LRP1B: variants seen among roughly 807,000 people sequenced by gnomAD.
The protein encoded by LRP1B is low-density lipoprotein receptor-related protein 1B.
Under a neutral mutation model 556.6 loss-of-function variants are expected in LRP1B, and 217 were observed. That is an observed-to-expected ratio of 0.39 (90% CI 0.35 to 0.44). LRP1B has a LOEUF of 0.44. Ranked by LOEUF, LRP1B falls within the 20% of genes least tolerant of loss-of-function variation. The pLI, the probability that LRP1B is intolerant of heterozygous loss-of-function variation, is 1.00. For synonymous variants in LRP1B, 2,047 were observed against 1,865.8 expected (o/e 1.10, Z -2.50); for missense variants, 5,053 against 5,620.8 (o/e 0.90, Z 3.23).
At chr2:140,815,396 T>A (rs914872662) in intron 31 of LRP1B, among the ~76,000 whole-genome samples, 8 of 152,112 alleles carry the variant, frequency 5.3e-5, no homozygotes. Flanking sequence ...AGCTTTGAAA[T>A]CCTGGGCTCA....
chr2:141,238,190 G>T (rs1683729220), intron 5 of LRP1B, among the ~76,000 whole-genome samples: 1 of 152,116 alleles, frequency 6.6e-6, no homozygotes, highest in Admixed American at 6.6e-5. Flanking sequence ...TAGTTACTGA[G>T]AAGTGGCTAA....
chr2:141,973,443 C>G (rs1701800673), intron 1 of LRP1B, among the ~76,000 whole-genome samples: 1 of 151,556 alleles, frequency 6.6e-6, no homozygotes, highest in South Asian at 2.1e-4. Flanking sequence ...ATGTGTAAAA[C>G]AAAAGTAAAA....
intron 47 of LRP1B, 66 bp from the exon 48 acceptor site, chr2:140,526,416 G>C: frequency 1.0e-6 from 1 of 1,001,318 alleles, no homozygotes. Context: ...TTTACATTTT[G>C]AATATTTCAA....
intron 1 of LRP1B, among the ~76,000 whole-genome samples, chr2:142,083,371 G>C (rs556534367): frequency 6.6e-6 from 1 of 151,830 alleles, no homozygotes; most frequent in East Asian, 1.9e-4. Flanking sequence ...CTCACTTATC[G>C]GTCCTTCAAT....
chr2:140,349,470 T>C (rs1277674365), intron 77 of LRP1B, among the ~76,000 whole-genome samples: 2 of 151,854 alleles, frequency 1.3e-5, no homozygotes, highest in Non-Finnish European at 2.9e-5. Context: ...AGTTAAACAT[T>C]AGTATATAAA....
intron 3 of LRP1B, among the ~76,000 whole-genome samples, chr2:141,296,898 C>T (rs13400044): frequency 0.24 from 36,102 of 151,946 alleles, 5,092 homozygotes; most frequent in East Asian, 0.51. Flanking sequence ...GTATTGTTCC[C>T]ATCTTAATGA....
intron 41 of LRP1B, among the ~76,000 whole-genome samples, chr2:140,689,170 G>A (rs1384987825): frequency 1.3e-5 from 2 of 152,152 alleles, no homozygotes; most frequent in African/African-American, 2.4e-5. Flanking sequence ...CCCTGTAGAC[G>A]AACTGCAACC....
chr2:140,249,593 G>A (rs933879598), intron 86 of LRP1B, among the ~76,000 whole-genome samples: 1 of 151,714 alleles, frequency 6.6e-6, no homozygotes, highest in Non-Finnish European at 1.5e-5. Flanking sequence ...ACATCTTAAT[G>A]TGCTGATGAT....
intron 18 of LRP1B, among the ~76,000 whole-genome samples, chr2:140,975,357 G>A (rs1696561305): frequency 6.6e-6 from 1 of 152,158 alleles, no homozygotes. Flanking sequence ...CCTCTCAATA[G>A]AGTTGCATTT....
chr2:140,536,466 A>G (rs565955266), intron 46 of LRP1B, 115 bp downstream of exon 46: 220 of 996,340 alleles, frequency 2.2e-4, no homozygotes, highest in Non-Finnish European at 3.2e-4. Context: ...GATACAGGTT[A>G]ATGAGAGACA....
chr2:141,331,841 T>C (rs113598897), intron 3 of LRP1B, among the ~76,000 whole-genome samples: 3,197 of 152,224 alleles, frequency 0.021, 57 homozygotes, highest in Non-Finnish European at 0.034. Flanking sequence ...TGGAGAATTG[T>C]CTCCAAACAT....
intron 1 of LRP1B, among the ~76,000 whole-genome samples, chr2:141,859,185 C>T (rs1450246622): frequency 1.3e-5 from 2 of 152,118 alleles, no homozygotes; most frequent in Non-Finnish European, 2.9e-5. Context: ...TGTTTTGTCC[C>T]TTAAATATTC....
At chr2:140,655,984 CT>C (rs1684868164) in intron 41 of LRP1B, among the ~76,000 whole-genome samples, 1 of 151,778 alleles carries the variant, frequency 6.6e-6, no homozygotes, top group Non-Finnish European at 1.5e-5. Context: ...ACATTTATCT[CT>C]TTACTAGTTT....
At chr2:140,371,704 G>A (rs184686592) in intron 69 of LRP1B, among the ~76,000 whole-genome samples, 2 of 151,776 alleles carry the variant, frequency 1.3e-5, no homozygotes, top group East Asian at 3.9e-4. Flanking sequence ...CAACCTTTGA[G>A]TATGTTAATT....
chr2:140,290,190 G>A (rs184367809), intron 84 of LRP1B, among the ~76,000 whole-genome samples: 1 of 152,070 alleles, frequency 6.6e-6, no homozygotes, highest in African/African-American at 2.4e-5. Flanking sequence ...AAAGAGAAGT[G>A]CTGAGATTCT....
chr2:141,038,469 G>A (rs1273084926), intron 11 of LRP1B, among the ~76,000 whole-genome samples: 1 of 152,082 alleles, frequency 6.6e-6, no homozygotes, highest in Non-Finnish European at 1.5e-5. Flanking sequence ...ACATTTTAAA[G>A]GTCAGTGGGA....
At chr2:140,246,154 A>T (rs897200791) in intron 87 of LRP1B, among the ~76,000 whole-genome samples, 2 of 151,438 alleles carry the variant, frequency 1.3e-5, no homozygotes, top group East Asian at 2.0e-4. Context: ...TATATTTTAT[A>T]CTTTAATAGT....
intron 1 of LRP1B, among the ~76,000 whole-genome samples, chr2:142,018,793 T>G (rs1182934268): frequency 2.0e-5 from 3 of 152,104 alleles, no homozygotes; most frequent in Non-Finnish European, 2.9e-5. Flanking sequence ...TACGCTTTTT[T>G]TTTTTCCCCA....
chr2:140,828,214 A>G (rs150610753), intron 31 of LRP1B, among the ~76,000 whole-genome samples: 231 of 152,360 alleles, frequency 1.5e-3, no homozygotes, highest in Middle Eastern at 3.4e-3. Flanking sequence ...GTATAAAGAC[A>G]AATTCATAAT....
Sources: gnomAD v4.1 joint callset for allele counts (sites outside exome capture counted in the v4.1 genomes callset) on GRCh38, gnomAD v4.1.1 for gene constraint, MANE v1.5 for transcripts, NCBI Gene and HGNC (gene_info 2026-07-23, HGNC 2026-07-21) for gene names.